PLLP: variants seen among roughly 807,000 people sequenced by gnomAD.
PLLP encodes plasmolipin, also known as plasma membrane proteolipid (plasmolipin).
A neutral mutation model predicts 19.7 loss-of-function variants in PLLP; 15 were observed. The ratio of observed to expected loss-of-function variants is 0.76; its 90% CI spans 0.51 to 1.17. PLLP has a LOEUF of 1.17. Ranked by LOEUF, PLLP falls within the 50% of genes most tolerant of loss-of-function variation. The pLI is 0.00. For synonymous variants in PLLP, 111 were observed against 116.3 expected, an observed-to-expected ratio of 0.95 and a Z score of 0.29; for missense variants, 255 against 258.3, an observed-to-expected ratio of 0.99 and a Z score of 0.09.
intron 1 of PLLP, 23 bp from the exon 2 acceptor site, chr16:57,262,093 G>T (rs759137168): frequency 1.2e-6 from 2 of 1,612,720 alleles, no homozygotes; most frequent in South Asian, 2.2e-5. Context: ...GACAAGGCAG[G>T]ATTGGCCAGA....
intron 1 of PLLP, among the ~76,000 whole-genome samples, chr16:57,281,804 C>T (rs548170691): frequency 6.6e-6 from 1 of 152,174 alleles, no homozygotes; most frequent in East Asian, 1.9e-4. Flanking sequence ...AGCCACCACA[C>T]CTGGCCCCAA....
In PLLP at chr16:57,258,554, G is replaced by C. The variant is rs765755214; in HGVS notation, c.340C>G (p.Leu114Val). The C allele has an allele frequency of 5.6e-6, 9 of 1,612,714 alleles. No individual in the cohort carries two copies. In the South Asian group the frequency reaches 9.9e-5, roughly 18 times the overall value. Reference sequence around the variant, plus strand: ...CAGGCGATGAAGGCGGTGATGTAGAGAACGGTGGCGCTGATGTTAAAGATC... The same window carrying C: ...CAGGCGATGAAGGCGGTGATGTAGACAACGGTGGCGCTGATGTTAAAGATC... ...LMIFNISATV[L>V]YITAFIACSA... is the part of the protein sequence containing the mutation. Residue 114 changes from leucine to valine, a missense_variant, in exon 3 of 4, where the codon CTC (leucine) becomes GTC (valine). Physicochemically the swap from Leu to Val is conservative, Grantham distance 32. Transcript: ENST00000219207.
At chr16:57,276,606 A>AG (rs1217377966) in intron 1 of PLLP, among the ~76,000 whole-genome samples, 13 of 150,184 alleles carry the variant, frequency 8.7e-5, no homozygotes, top group African/African-American at 3.0e-4. Context: ...AAAAAAAAAA[A>AG]AGAGAGAGAG....
At chr16:57,281,686 T>G (rs767563514) in intron 1 of PLLP, among the ~76,000 whole-genome samples, 1 of 151,998 alleles carries the variant, frequency 6.6e-6, no homozygotes, top group African/African-American at 2.4e-5. Context: ...AATTTTGTTG[T>G]ATTTTTAGTA....
At chr16:57,262,136 T>C in intron 1 of PLLP, 66 bp from the exon 2 acceptor site, 1 of 1,514,712 alleles carries the variant, frequency 6.6e-7, no homozygotes, top group South Asian at 1.1e-5. Flanking sequence ...AGCTAAGAAA[T>C]ACTGGCCAGG....
chr16:57,266,386 T>TCC (rs2075457413), intron 1 of PLLP, among the ~76,000 whole-genome samples: 2 of 152,240 alleles, frequency 1.3e-5, no homozygotes, highest in Admixed American at 6.5e-5. Context: ...CGTTCCTGCA[T>TCC]TTGAACCAGA....
At chr16:57,275,093 T>TCACA (rs60029615) in intron 1 of PLLP, among the ~76,000 whole-genome samples, 2,720 of 121,404 alleles carry the variant, frequency 0.022, 85 homozygotes, top group African/African-American at 0.071. Context: ...TCCAGGGACT[T>TCACA]CACACACACA....
chr16:57,276,465 G>A (rs1478499605), intron 1 of PLLP, among the ~76,000 whole-genome samples: 9 of 151,594 alleles, frequency 5.9e-5, no homozygotes, highest in Middle Eastern at 3.2e-3. Context: ...GGTGGTGGGC[G>A]CCTGTAATCC....
Position 57,278,417 on chromosome 16 carries a change from C to T in PLLP, c.135+5989G>A, listed in dbSNP as rs150744897. Among the ~76,000 whole-genome samples the T allele has an allele frequency of 2.8e-4, 42 of 152,222 alleles. No individual in the cohort carries two copies. The East Asian group carries it at 7.5e-3, about 27-fold the overall frequency. Reference sequence around the variant, plus strand: ...AAAACTATCAATGTTTTCAAAAGTGCACAGGAAAAAAGACTAGAAACACCC... The same window carrying T: ...AAAACTATCAATGTTTTCAAAAGTGTACAGGAAAAAAGACTAGAAACACCC... On this transcript the variant is annotated intron_variant, in intron 1 of 3. Coordinates refer to ENST00000219207, the MANE Select transcript of PLLP (RefSeq NM_015993.3).
chr16:57,284,509 C>A lies in PLLP; in HGVS notation c.32G>T (p.Arg11Leu), dbSNP rs867368254. The change falls in exon 1 of 4, where the codon CGG becomes CTG. Residue 11 changes from arginine (R) to leucine (L), a missense_variant. Physicochemically the swap from Arg to Leu is moderately radical, Grantham distance 102. Transcript: ENST00000219207. ...GGCGCCCTGCGCAGGACTGCTGGTC[C>A]GCGTGCTAACTTTCGACGGGAACTC... MAEFPSKVST[R>L]TSSPAQGAEA... is the part of the protein sequence containing the mutation. The A allele has an allele frequency of 1.4e-6, 2 of 1,402,578 alleles. No individual in the cohort carries two copies. The highest frequency in any genetic ancestry group is 1.9e-6 in the Non-Finnish European group (2 of 1,067,672). The allele number at this position is 1,402,578 out of a possible 1,614,324, so 86.9% of individuals were successfully genotyped here. A position where few individuals can be genotyped will look rare whatever the true frequency, so the allele number is the denominator to read the frequency against.
chr16:57,262,189 A>G (rs2075444042), intron 1 of PLLP, 119 bp from the exon 2 acceptor site: 1 of 929,474 alleles, frequency 1.1e-6, no homozygotes, highest in African/African-American at 1.6e-5. Flanking sequence ...TGGGAGCCCA[A>G]GGTGTAATAA....
chr16:57,264,375 T>C (rs1264259677), intron 1 of PLLP, among the ~76,000 whole-genome samples: 1 of 152,212 alleles, frequency 6.6e-6, no homozygotes, highest in Non-Finnish European at 1.5e-5. Flanking sequence ...CCGAGTACCT[T>C]CCCTGCTCTC....
intron 1 of PLLP, among the ~76,000 whole-genome samples, chr16:57,262,277 C>T (rs1374648502): frequency 3.3e-5 from 5 of 152,172 alleles, no homozygotes; most frequent in Middle Eastern, 3.4e-3. Flanking sequence ...TAAGGCCGGG[C>T]GCAGTGGCTC....
intron 1 of PLLP, 28 bp from the exon 2 acceptor site, chr16:57,262,098 G>A (rs769300392): frequency 6.2e-7 from 1 of 1,610,336 alleles, no homozygotes; most frequent in Admixed American, 1.7e-5. Context: ...GGCAGGATTG[G>A]CCAGAGATGC....
intron 1 of PLLP, among the ~76,000 whole-genome samples, chr16:57,283,218 A>G (rs1285443517): frequency 6.6e-5 from 10 of 152,126 alleles, no homozygotes; most frequent in Non-Finnish European, 2.9e-5. Context: ...GGTGGAGTCC[A>G]ATAATCTAAA....
intron 1 of PLLP, among the ~76,000 whole-genome samples, chr16:57,271,882 C>G (rs949183008): frequency 6.6e-5 from 10 of 152,118 alleles, no homozygotes; most frequent in African/African-American, 2.4e-4. Context: ...AAACTCAGAG[C>G]TCCCTGCCTG....
intron 2 of PLLP, among the ~76,000 whole-genome samples, chr16:57,259,975 TAA>T (rs574093513): frequency 2.7e-4 from 30 of 112,394 alleles, no homozygotes; most frequent in Admixed American, 6.4e-4. Context: ...GGACTTTGTC[TAA>T]AAAAAAAAAA....
At position 57,258,528 on chromosome 16, in the gene PLLP, G is replaced by A. The variant is rs1364343001; in HGVS notation, c.366C>T (p.Cys122=). ...GGGATGTCAGGTCAACTGCCGCAGA[G>A]CAGGCGATGAAGGCGGTGATGTAGA... ...TVLYITAFIA[C]SAAVDLTSLR... Residue 122 remains cysteine, a synonymous_variant, in exon 3 of 4, where the codon TGC becomes TGT. Coordinates refer to ENST00000219207, the MANE Select transcript of PLLP (RefSeq NM_015993.3). The A allele has an allele frequency of 1.2e-6, 2 of 1,613,388 alleles. No individual in the cohort carries two copies. The highest frequency in any genetic ancestry group is 2.7e-5 in the African/African-American group (2 of 75,048).
chr16:57,284,490 C>G lies in PLLP; in HGVS notation c.51G>C (p.Gln17His). 1.4e-6 allele frequency: 2 copies of G among 1,428,076 alleles called. No individual in the cohort carries two copies. The highest frequency in any genetic ancestry group is 1.8e-6 in the Non-Finnish European group (2 of 1,082,706). 88.5% of individuals were successfully genotyped at this position (1,428,076 alleles called of 1,614,324 possible). Residue 17 changes from glutamine (Q) to histidine (H), a missense_variant, in exon 1 of 4, where the codon CAG becomes CAC. By Grantham distance (24) the Gln-to-His change is conservative. Coordinates refer to ENST00000219207, the MANE Select transcript of PLLP (RefSeq NM_015993.3). The stretch of plus-strand genomic sequence containing the variant: ...GCGCCGACACCGAGGCTTCGGCGCC[C>G]TGCGCAGGACTGCTGGTCCGCGTGC... Reference protein sequence around the residue: ...KVSTRTSSPAQGAEASVSALR... With the variant: ...KVSTRTSSPAHGAEASVSALR...
Sources: gnomAD v4.1 joint callset for allele counts (sites outside exome capture counted in the v4.1 genomes callset) on GRCh38, gnomAD v4.1.1 for gene constraint, MANE v1.5 for transcripts, NCBI Gene and HGNC (gene_info 2026-07-23, HGNC 2026-07-21) for gene names.